IL6R: variants seen among roughly 807,000 people sequenced by gnomAD.
IL6R encodes interleukin-6 receptor subunit alpha.
Under a neutral mutation model 48.3 loss-of-function variants are expected in IL6R, and 38 were observed. The ratio of observed to expected loss-of-function variants is 0.79; its 90% CI spans 0.61 to 1.03. The LOEUF is 1.03. Among genes scored for constraint, IL6R ranks in the 50% least tolerant of loss-of-function variants. The pLI, the probability that IL6R is intolerant of heterozygous loss-of-function variation, is 0.00. For synonymous variants in IL6R, 264 were observed against 256.2 expected (o/e 1.03, Z -0.29); for missense variants, 534 against 618.3 (o/e 0.86, Z 1.45).
At chr1:154,449,519 A>C (rs978430771) in intron 7 of IL6R, among the ~76,000 whole-genome samples, 12 of 152,148 alleles carry the variant, frequency 7.9e-5, no homozygotes, top group African/African-American at 2.7e-4. Flanking sequence ...ATTTCACAAA[A>C]AAACAAACAA....
In IL6R at chr1:154,405,450, C is replaced by G; in HGVS notation, c.-180C>G. The G allele has an allele frequency of 1.8e-6, 1 of 562,868 alleles. No homozygotes were observed. The highest frequency in any genetic ancestry group is 3.4e-5 in the East Asian group (1 of 29,510). The allele number at this position is 562,868 out of a possible 1,614,324, so 34.9% of individuals were successfully genotyped here. A position where few individuals can be genotyped will look rare whatever the true frequency, so the allele number is the denominator to read the frequency against. ...AGAGGGAGAGGAGCCGAGCGCGGCG[C>G]GGGGCCGAGGGACTCGCAGTGTGTG... On this transcript the variant is annotated 5_prime_UTR_variant, in exon 1 of 10. Transcript: ENST00000368485. This position sits in a 1 kb window ranked among gnomAD's most constrained non-coding sequence, Gnocchi z 5.2.
At chr1:154,443,151 A>T (rs1394259997) in intron 6 of IL6R, among the ~76,000 whole-genome samples, 1 of 151,910 alleles carries the variant, frequency 6.6e-6, no homozygotes, top group Non-Finnish European at 1.5e-5. Context: ...AATCCCTTTA[A>T]CTCCCTCTCC....
At chr1:154,413,875 C>A (rs754639245) in intron 1 of IL6R, among the ~76,000 whole-genome samples, 5 of 150,998 alleles carry the variant, frequency 3.3e-5, no homozygotes, top group Non-Finnish European at 7.4e-5. Context: ...CACGGTGTCA[C>A]CCAGGCTGGA....
chr1:154,440,933 G>A (rs1001413921), intron 6 of IL6R, among the ~76,000 whole-genome samples: 33 of 152,176 alleles, frequency 2.2e-4, no homozygotes, highest in Non-Finnish European at 7.3e-5. Context: ...GATTACAGGC[G>A]TGAGCCACCA....
chr1:154,437,435 A>G (rs1001745383), intron 6 of IL6R: 6 of 368,406 alleles, frequency 1.6e-5, no homozygotes, highest in Non-Finnish European at 2.8e-5. Flanking sequence ...TTTTTTGAAG[A>G]CAGGCTTTCT....
intron 9 of IL6R, among the ~76,000 whole-genome samples, chr1:154,462,043 A>G (rs902490301): frequency 6.6e-6 from 1 of 152,220 alleles, no homozygotes; most frequent in African/African-American, 2.4e-5. Flanking sequence ...GCAGATGGTC[A>G]GTGTCTAGGG....
chr1:154,425,368 G>C (rs900473712), intron 1 of IL6R, among the ~76,000 whole-genome samples: 3 of 152,086 alleles, frequency 2.0e-5, no homozygotes, highest in African/African-American at 7.2e-5. Context: ...TCTTTGATAT[G>C]GCAAAACAAT....
Position 154,405,599 on chromosome 1 carries a change from G to A in IL6R, c.-31G>A. 6.8e-7 allele frequency: 1 copy of A among 1,464,836 alleles called. No individual in the cohort carries two copies. Among genetic ancestry groups the A allele is most frequent in the Non-Finnish European group, 9.1e-7 (1 of 1,104,452 alleles). The allele number at this position is 1,464,836 out of a possible 1,614,324, so 90.7% of individuals were successfully genotyped here. ...TTCCCATTAGCCTGTCCGCCTCTGCGGGACCATGGAGTGGTAGCCGAGGAG... is the reference window on the plus strand; with the variant it reads ...TTCCCATTAGCCTGTCCGCCTCTGCAGGACCATGGAGTGGTAGCCGAGGAG... On this transcript the variant is annotated 5_prime_UTR_variant, in exon 1 of 10. Transcript: ENST00000368485. The surrounding 1 kb of genome is among the most constrained non-coding windows in gnomAD (Gnocchi z 5.2).
chr1:154,455,769 A>G (rs1011125109), intron 9 of IL6R, among the ~76,000 whole-genome samples: 1 of 148,828 alleles, frequency 6.7e-6, no homozygotes, highest in Non-Finnish European at 1.5e-5. Flanking sequence ...TTTTAAGAAG[A>G]ACCTGGGCCA....
intron 6 of IL6R, among the ~76,000 whole-genome samples, chr1:154,443,527 C>A (rs1570978894): frequency 6.6e-6 from 1 of 152,244 alleles, no homozygotes; most frequent in East Asian, 1.9e-4. Flanking sequence ...GTGCAGAGCA[C>A]TGGCTCTGGA....
chr1:154,423,893 A>G (rs889058500), intron 1 of IL6R, among the ~76,000 whole-genome samples: 1 of 152,230 alleles, frequency 6.6e-6, no homozygotes, highest in African/African-American at 2.4e-5. Context: ...AGCTGCTCAG[A>G]TACTTTGGCC....
rs765593427 is a variant in IL6R, at chr1:154,429,212, G to A, written c.102G>A (p.Val34=). The change falls in exon 2 of 10, where the codon GTG becomes GTA. Residue 34 remains valine (V), a synonymous_variant. Transcript: ENST00000368485. ...CTCCTCCAGAGGTGGCGAGAGGCGT[G>A]CTGACCAGTCTGCCAGGAGACAGCG... The part of the protein sequence containing the change: ...RCPAQEVARG[V]LTSLPGDSVT... 78 of 1,613,120 alleles carry A rather than the reference G, an allele frequency of 4.8e-5. No individual in the cohort carries two copies. Among genetic ancestry groups the A allele is most frequent in the Non-Finnish European group, 6.3e-5 (74 of 1,179,252 alleles).
rs4845617 is a variant in IL6R, at chr1:154,405,422, G to A, written c.-208G>A. On this transcript the variant is annotated 5_prime_UTR_variant, in exon 1 of 10. Transcript: ENST00000368485. The surrounding 1 kb of genome is among the most constrained non-coding windows in gnomAD (Gnocchi z 5.2). ...GGAAGTCGCACTGACACTGAGCCGG[G>A]CCAGAGGGAGAGGAGCCGAGCGCGG... The A allele has an allele frequency of 0.39, 207,332 of 533,660 alleles. 40,960 individuals are homozygous for A. The highest frequency in any genetic ancestry group is 0.48 in the East Asian group (13,969 of 29,056). 33.1% of individuals were successfully genotyped at this position (533,660 alleles called of 1,614,324 possible). A position where few individuals can be genotyped will look rare whatever the true frequency, so the allele number is the denominator to read the frequency against.
At chr1:154,437,393 G>T (rs886327613) in intron 6 of IL6R, 17 of 354,976 alleles carry the variant, frequency 4.8e-5, no homozygotes, top group Non-Finnish European at 8.3e-5. Context: ...CACTGTGCCC[G>T]GTCGGAAATT....
At chr1:154,459,583 G>T (rs1440174601) in intron 9 of IL6R, among the ~76,000 whole-genome samples, 1 of 152,092 alleles carries the variant, frequency 6.6e-6, no homozygotes, top group Non-Finnish European at 1.5e-5. Flanking sequence ...ATATTTTTTT[G>T]TATGGCCCTA....
intron 1 of IL6R, among the ~76,000 whole-genome samples, chr1:154,412,909 T>C (rs1199513074): frequency 6.6e-6 from 1 of 151,682 alleles, no homozygotes; most frequent in African/African-American, 2.4e-5. Context: ...AGACCCCTGC[T>C]CCTGTGGACT....
At position 154,434,679 on chromosome 1, in the gene IL6R, A is replaced by C. The variant is rs374397768; in HGVS notation, c.619A>C (p.Thr207Pro). ...SVGSKFSKTQ[T>P]FQGCGILQPD... The stretch of plus-strand genomic sequence containing the variant: ...CGGGAGCAAGTTCAGCAAAACTCAA[A>C]CCTTTCAGGGTTGTGGAATCTGTAC... Residue 207 changes from threonine to proline, a missense_variant, in exon 4 of 10, where the codon ACC becomes CCC. Coordinates refer to ENST00000368485, the MANE Select transcript of IL6R (RefSeq NM_000565.4). 1 of 1,613,996 alleles carries C rather than the reference A, an allele frequency of 6.2e-7. No individual in the cohort carries two copies. Among genetic ancestry groups the C allele is most frequent in the African/African-American group, 1.3e-5 (1 of 74,990 alleles).
chr1:154,448,373 G>A (rs1221889421), intron 7 of IL6R, among the ~76,000 whole-genome samples: 1 of 152,248 alleles, frequency 6.6e-6, no homozygotes, highest in Non-Finnish European at 1.5e-5. Context: ...GAGTGGAGCA[G>A]CGCTGGCCTG....
intron 1 of IL6R, among the ~76,000 whole-genome samples, chr1:154,406,096 A>G (rs1471725170): frequency 2.0e-5 from 3 of 152,088 alleles, no homozygotes; most frequent in African/African-American, 7.2e-5. Context: ...GGCGCGCCCC[A>G]GCGGGGTGAT....
Sources: allele counts gnomAD v4.1 joint callset (sites outside exome capture counted in the v4.1 genomes callset), GRCh38; gene constraint gnomAD v4.1.1; non-coding constraint Gnocchi (gnomAD v3.1); transcripts MANE v1.5; gene names NCBI Gene and HGNC (gene_info 2026-07-23, HGNC 2026-07-21).